RBFOX1: variants seen among roughly 807,000 people sequenced by gnomAD.
RBFOX1 encodes RNA binding fox-1 homolog 1, also known as RNA binding protein fox-1 homolog 1.
Under a neutral mutation model 57.7 loss-of-function variants are expected in RBFOX1, and 8 were observed. The observed-to-expected ratio is 0.14, with a 90% CI of 0.08 to 0.25. The LOEUF is 0.25. Ranked by LOEUF, RBFOX1 falls within the 10% of genes least tolerant of loss-of-function variation. The pLI, the probability that RBFOX1 is intolerant of heterozygous loss-of-function variation, is 1.00. For synonymous variants in RBFOX1, 326 were observed against 222.4 expected (o/e 1.47, Z -4.15); for missense variants, 611 against 548.5 (o/e 1.11, Z -1.14).
At chr16:6,240,451 G>C (rs2097534352) in intron 1 of RBFOX1, among the ~76,000 whole-genome samples, 1 of 152,094 alleles carries the variant, frequency 6.6e-6, no homozygotes, top group Admixed American at 6.5e-5. Context: ...TGGTGAGGGA[G>C]TGAACCTTCC....
chr16:7,107,954 C>T (rs895118237), intron 4 of RBFOX1, among the ~76,000 whole-genome samples: 1 of 150,242 alleles, frequency 6.7e-6, no homozygotes, highest in Admixed American at 6.7e-5. Flanking sequence ...TTTCTTATCT[C>T]CATTATTATT....
At chr16:6,743,461 AG>A (rs2072790885) in intron 3 of RBFOX1, among the ~76,000 whole-genome samples, 1 of 152,174 alleles carries the variant, frequency 6.6e-6, no homozygotes, top group Admixed American at 6.5e-5. Context: ...TATGTTGATA[AG>A]GATGAATGGT....
At chr16:5,601,162 A>G (rs972511276), downstream of RBFOX1, 3 of 152,276 alleles carry the variant, frequency 2.0e-5, no homozygotes, top group African/African-American at 7.2e-5. Context: ...GACTTTCATT[A>G]TCTCACAGTT....
chr16:6,613,047 G>A (rs1447248971), intron 2 of RBFOX1, among the ~76,000 whole-genome samples: 2 of 149,490 alleles, frequency 1.3e-5, no homozygotes, highest in East Asian at 2.1e-4. Context: ...GTGTGTGAGT[G>A]TGTGTGTGTG....
At chr16:6,442,068 C>T (rs1335315736) in intron 2 of RBFOX1, among the ~76,000 whole-genome samples, 1 of 152,172 alleles carries the variant, frequency 6.6e-6, no homozygotes, top group Non-Finnish European at 1.5e-5. Flanking sequence ...GCCCTTAACT[C>T]TCAGTATCTA....
chr16:5,485,948 A>T (rs1379257450), intron 2 of RBFOX1, among the ~76,000 whole-genome samples: 1 of 152,200 alleles, frequency 6.6e-6, no homozygotes, highest in Non-Finnish European at 1.5e-5. Context: ...CCCACATCAT[A>T]AGATTATTGT....
intron 2 of RBFOX1, among the ~76,000 whole-genome samples, chr16:6,324,794 A>G (rs1348593609): frequency 1.3e-5 from 2 of 152,336 alleles, no homozygotes; most frequent in Admixed American, 6.5e-5. Flanking sequence ...AATGAGATAT[A>G]GAAACTAGGC....
intron 3 of RBFOX1, among the ~76,000 whole-genome samples, chr16:6,878,606 A>G (rs187019078): frequency 3.2e-4 from 48 of 152,152 alleles, no homozygotes; most frequent in African/African-American, 1.1e-3. Context: ...CCTCATGTGA[A>G]CATTTTGTTT....
chr16:7,280,023 C>G (rs2095510568), intron 4 of RBFOX1, among the ~76,000 whole-genome samples: 1 of 152,208 alleles, frequency 6.6e-6, no homozygotes, highest in Non-Finnish European at 1.5e-5. Flanking sequence ...ACATCACCTG[C>G]TCTGAAGGTG....
At chr16:6,220,196 G>A (rs1175577193) in intron 1 of RBFOX1, among the ~76,000 whole-genome samples, 1 of 152,056 alleles carries the variant, frequency 6.6e-6, no homozygotes, top group Non-Finnish European at 1.5e-5. Context: ...GTCTGTGGGT[G>A]TGTGTATATG....
intron 2 of RBFOX1, among the ~76,000 whole-genome samples, chr16:6,634,162 C>T (rs1202459459): frequency 6.6e-6 from 1 of 152,160 alleles, no homozygotes; most frequent in Non-Finnish European, 1.5e-5. Flanking sequence ...CATGGAGGTT[C>T]AGAATGGGTA....
intron 12 of RBFOX1, among the ~76,000 whole-genome samples, chr16:7,654,377 G>C (rs979142937): frequency 6.6e-6 from 1 of 152,162 alleles, no homozygotes; most frequent in Non-Finnish European, 1.5e-5. Context: ...CGCCTCCCCA[G>C]GGATATCTTG....
At chr16:5,767,611 C>G (rs533407913) in intron 3 of RBFOX1, among the ~76,000 whole-genome samples, 214 of 152,290 alleles carry the variant, frequency 1.4e-3, no homozygotes, top group African/African-American at 1.7e-3. Context: ...CACACGCCTT[C>G]CAAGGACACA....
intron 4 of RBFOX1, among the ~76,000 whole-genome samples, chr16:5,968,699 A>G (rs2059901189): frequency 6.6e-6 from 1 of 152,078 alleles, no homozygotes. Context: ...ATTTGCAGGT[A>G]TACTGTTTGT....
At chr16:5,524,889 C>T (rs527299310) in intron 2 of RBFOX1, among the ~76,000 whole-genome samples, 1 of 152,062 alleles carries the variant, frequency 6.6e-6, no homozygotes, top group Non-Finnish European at 1.5e-5. Flanking sequence ...CTCAGGGGAG[C>T]CTTCTCTAAC....
chr16:6,956,576 G>C (rs571461646), intron 3 of RBFOX1, among the ~76,000 whole-genome samples: 2 of 152,298 alleles, frequency 1.3e-5, no homozygotes, highest in South Asian at 2.1e-4. Flanking sequence ...CTTGCCTCTG[G>C]TCAGGTGTGG....
chr16:5,813,762 A>G (rs7198171), intron 3 of RBFOX1, among the ~76,000 whole-genome samples: 93,440 of 152,058 alleles, frequency 0.61, 29,547 homozygotes, highest in East Asian at 0.71. Context: ...CGTGCTTACT[A>G]TTTGTTAGCT....
At chr16:5,511,987 T>C (rs368469498) in intron 2 of RBFOX1, among the ~76,000 whole-genome samples, 1 of 152,248 alleles carries the variant, frequency 6.6e-6, no homozygotes, top group African/African-American at 2.4e-5. Context: ...CCTGATAAAA[T>C]GTAAGGGAAG....
At chr16:6,881,521 T>A (rs1342462686) in intron 3 of RBFOX1, among the ~76,000 whole-genome samples, 1 of 152,178 alleles carries the variant, frequency 6.6e-6, no homozygotes, top group African/African-American at 2.4e-5. Flanking sequence ...TTACATCATC[T>A]TCCGTCTATG....
Sources: gnomAD v4.1 joint callset for allele counts (sites outside exome capture counted in the v4.1 genomes callset) on GRCh38, gnomAD v4.1.1 for gene constraint, MANE v1.5 for transcripts, NCBI Gene and HGNC (gene_info 2026-07-23, HGNC 2026-07-21) for gene names.